C14orf39: variants seen among roughly 807,000 people sequenced by gnomAD.
C14orf39 encodes the protein protein SIX6OS1.
Under a neutral mutation model 85.6 loss-of-function variants are expected in C14orf39, and 66 were observed. The observed-to-expected ratio is 0.77, with a 90% confidence interval of 0.63 to 0.95. The LOEUF is 0.95. C14orf39 is among the 40% of genes least tolerant of loss of function. The probability of loss-of-function intolerance (pLI) is 0.00; values close to 1 mark genes in which losing one functional copy is unlikely to be tolerated. For missense variants in C14orf39, 735 were observed against 663.9 expected, an observed-to-expected ratio of 1.11 and a Z score of -1.18; for synonymous variants, 242 against 214.0, an observed-to-expected ratio of 1.13 and a Z score of -1.14.
Position 60,484,559 on chromosome 14 carries a change from T to TA in C14orf39, c.106+321dup, listed in dbSNP as rs1425363551. 6.6e-6 allele frequency among the ~76,000 whole-genome samples: 1 copy of TA among 152,008 alleles called. No homozygotes were observed. The highest frequency in any genetic ancestry group is 1.5e-5 in the Non-Finnish European group (1 of 67,952). Reference sequence around the variant, plus strand: ...TGATTTCTGGTGGTTTCTATAAAGATAAAAAAAATTTCACTCAACTATTTG... The same window carrying TA: ...TGATTTCTGGTGGTTTCTATAAAGATAAAAAAAAATTTCACTCAACTATTTG... On this transcript the variant is annotated intron_variant, in intron 3 of 17. Transcript: ENST00000321731. This position sits in a 1 kb window ranked among gnomAD's most constrained non-coding sequence, Gnocchi z 4.2.
At position 60,456,999 on chromosome 14, in the gene C14orf39, T is replaced by C. The variant is rs149583331; in HGVS notation, c.1276A>G (p.Ile426Val). The change falls in exon 15 of 18, where the codon ATA becomes GTA. Residue 426 changes from isoleucine (I) to valine (V), a missense_variant. Physicochemically the swap from Ile to Val is conservative, Grantham distance 29. Coordinates refer to ENST00000321731, the MANE Select transcript of C14orf39 (RefSeq NM_174978.3). Reference protein sequence around the residue: ...ENFPRTSEIPIFLGTPKAVKA... With the variant: ...ENFPRTSEIPVFLGTPKAVKA... ...ACAGCTTTGGGAGTTCCTAAAAATA[T>C]AGGAATTTCAGACGTTCGTGGAAAA... The C allele has an allele frequency of 4.0e-5, 65 of 1,611,504 alleles. 2 individuals are homozygous for C. In the African/African-American group the frequency reaches 6.4e-4, roughly 16 times the overall value.
chr14:60,457,216 A>G, intron 14 of C14orf39, 121 bp from the exon 15 acceptor site: 2 of 485,120 alleles, frequency 4.1e-6, no homozygotes, highest in Non-Finnish European at 7.0e-6. Flanking sequence ...CACAGACAAA[A>G]TAACTGAAAT....
intron 17 of C14orf39, 110 bp downstream of exon 17, chr14:60,441,964 A>G: frequency 1.4e-6 from 1 of 700,732 alleles, no homozygotes; most frequent in Admixed American, 2.4e-5. Flanking sequence ...CAGAAGTAAC[A>G]GTAATTTCTA....
chr14:60,474,818 G>A (rs1415459896), intron 5 of C14orf39, among the ~76,000 whole-genome samples: 3 of 152,086 alleles, frequency 2.0e-5, no homozygotes, highest in Non-Finnish European at 4.4e-5. Context: ...TTTTATTGAG[G>A]ATTTTTGCAG....
chr14:60,495,538 AC>A (rs1893058422), intron 2 of C14orf39: 1 of 216,166 alleles, frequency 4.6e-6, no homozygotes, highest in African/African-American at 2.3e-5. Flanking sequence ...ATCTATGGGG[AC>A]AGGTACAGAG....
At chr14:60,503,284 A>T in intron 1 of C14orf39, among the ~76,000 whole-genome samples, 1 of 152,138 alleles carries the variant, frequency 6.6e-6, no homozygotes, top group East Asian at 1.9e-4. Flanking sequence ...AGGGCTTGCA[A>T]GGGTTATACC....
upstream of C14orf39, among the ~76,000 whole-genome samples, chr14:60,490,445 AAATAAATG>A (rs4032691): frequency 0.52 from 52,099 of 99,412 alleles, 10,664 homozygotes; most frequent in Admixed American, 0.61. Context: ...CTCTATAAAT[AAATAAATG>A]AATAAATAAA....
At chr14:60,514,411 C>A (rs1342297899) in intron 1 of C14orf39, among the ~76,000 whole-genome samples, 1 of 152,112 alleles carries the variant, frequency 6.6e-6, no homozygotes, top group African/African-American at 2.4e-5. Context: ...ACGGACCTGA[C>A]CAATGTGAAG....
At chr14:60,485,676 C>G (rs1595489779) in intron 1 of C14orf39, among the ~76,000 whole-genome samples, 1 of 152,182 alleles carries the variant, frequency 6.6e-6, no homozygotes, top group Non-Finnish European at 1.5e-5. Flanking sequence ...AACCACAGCC[C>G]GTGCGCCTCC....
intron 2 of C14orf39, chr14:60,495,961 G>A: frequency 4.3e-6 from 2 of 464,538 alleles, no homozygotes; most frequent in Non-Finnish European, 8.6e-6. Context: ...TGACATTTGG[G>A]AGCACATATG....
At chr14:60,468,734 C>T (rs1891922512) in intron 8 of C14orf39, among the ~76,000 whole-genome samples, 198 bp from the exon 9 acceptor site, 1 of 151,456 alleles carries the variant, frequency 6.6e-6, no homozygotes, top group Non-Finnish European at 1.5e-5. Context: ...CTTACAATTC[C>T]ATTGGCAAAT....
At chr14:60,460,256 A>T (rs897673738) in intron 13 of C14orf39, among the ~76,000 whole-genome samples, 1 of 151,826 alleles carries the variant, frequency 6.6e-6, no homozygotes, top group African/African-American at 2.4e-5. Context: ...TCATTTCCCC[A>T]TGTTCCTAGA....
Position 60,484,959 on chromosome 14 carries a change from T to C in C14orf39, c.50-22A>G. Reference sequence around the variant, plus strand: ...AAGACTAAAATAAATAATTATCTTGTGACTTCAATTCATTGTTAAAATATC... The same window carrying C: ...AAGACTAAAATAAATAATTATCTTGCGACTTCAATTCATTGTTAAAATATC... On this transcript the variant is annotated intron_variant, in intron 2 of 17. Coordinates refer to ENST00000321731, the MANE Select transcript of C14orf39 (RefSeq NM_174978.3). The surrounding 1 kb of genome is among the most constrained non-coding windows in gnomAD (Gnocchi z 4.2). 6.3e-7 allele frequency: 1 copy of C among 1,578,454 alleles called. No homozygotes were observed. Among genetic ancestry groups the C allele is most frequent in the Non-Finnish European group, 8.6e-7 (1 of 1,161,556 alleles).
At position 60,492,657 on chromosome 14, in the gene C14orf39, C is replaced by T. The variant is rs184525072; in HGVS notation, c.-9+6639G>A. Among the ~76,000 whole-genome samples, 158 of 151,970 alleles carry T rather than the reference C, an allele frequency of 1.0e-3. 1 individual carries two copies. The highest frequency in any genetic ancestry group is 3.7e-3 in the African/African-American group (155 of 41,450). On this transcript the variant is annotated intron_variant, in intron 2 of 5. Transcript: ENST00000556799. ...AATTAGCTGTGTGTGCTGGTATGTG[C>T]CTGTAGTCCCAGCTACTCAAGAGGC...
chr14:60,476,829 T>G (rs1892399975), intron 5 of C14orf39, among the ~76,000 whole-genome samples: 1 of 152,038 alleles, frequency 6.6e-6, no homozygotes, highest in Non-Finnish European at 1.5e-5. Flanking sequence ...CTCTCAAACC[T>G]CAGGAAAAGC....
intron 1 of C14orf39, chr14:60,514,999 C>G (rs1893344021): frequency 1.3e-5 from 2 of 152,396 alleles, no homozygotes; most frequent in Non-Finnish European, 2.9e-5. Flanking sequence ...TTTTGTCGGC[C>G]TGAATGGCTA....
intron 16 of C14orf39, among the ~76,000 whole-genome samples, chr14:60,442,420 A>G (rs1347864852): frequency 6.6e-6 from 1 of 152,194 alleles, no homozygotes; most frequent in Non-Finnish European, 1.5e-5. Context: ...GAAAGCTTTT[A>G]ACAAATCAGG....
chr14:60,456,576 T>C (rs964958382), intron 15 of C14orf39, among the ~76,000 whole-genome samples: 14 of 152,012 alleles, frequency 9.2e-5, no homozygotes, highest in Non-Finnish European at 1.5e-5. Context: ...TTTTAAATTT[T>C]CTTTATCCTT....
chr14:60,447,284 T>A (rs1338606913), intron 16 of C14orf39, among the ~76,000 whole-genome samples: 1 of 152,260 alleles, frequency 6.6e-6, no homozygotes, highest in Admixed American at 6.5e-5. Flanking sequence ...ATGACATGAT[T>A]GTATATTTAG....
Sources: gnomAD v4.1 joint callset for allele counts (sites outside exome capture counted in the v4.1 genomes callset) on GRCh38, gnomAD v4.1.1 for gene constraint, Gnocchi (gnomAD v3.1) non-coding constraint, MANE v1.5 for transcripts, NCBI Gene and HGNC (gene_info 2026-07-23, HGNC 2026-07-21) for gene names.